OPHN1: variants seen among roughly 807,000 people sequenced by gnomAD.
OPHN1 encodes the protein oligophrenin-1.
Under a neutral mutation model 60.7 loss-of-function variants are expected in OPHN1, and 11 were observed. That is an observed-to-expected ratio of 0.18 (90% CI 0.11 to 0.30). The LOEUF (loss-of-function observed/expected upper bound fraction) is 0.30. Ranked by LOEUF, OPHN1 falls within the 10% of genes least tolerant of loss-of-function variation. The probability of loss-of-function intolerance (pLI) is 1.00; values close to 1 mark genes in which losing one functional copy is unlikely to be tolerated. For missense variants in OPHN1, 449 were observed against 611.0 expected, an observed-to-expected ratio of 0.73 and a Z score of 2.80; for synonymous variants, 226 against 222.6, an observed-to-expected ratio of 1.02 and a Z score of -0.14.
rs1251248675 is a variant in OPHN1, at chrX:68,191,787, G to C, written c.1276+1132C>G. Reference sequence around the variant, plus strand: ...AGGAAGGTTGAAGCAGCTATAACTAGCAAGGCACAGTACCAGAGAAGAGTG... The same window carrying C: ...AGGAAGGTTGAAGCAGCTATAACTACCAAGGCACAGTACCAGAGAAGAGTG... On this transcript the variant is annotated intron_variant, in intron 15 of 24. Transcript: ENST00000355520. Among the ~76,000 whole-genome samples the C allele has an allele frequency of 4.5e-5, 5 of 111,854 alleles. No homozygotes were observed. The East Asian group carries it at 1.4e-3, about 31-fold the overall frequency.
At chrX:68,301,636 G>A (rs990275046) in intron 2 of OPHN1, among the ~76,000 whole-genome samples, 4 of 110,847 alleles carry the variant, frequency 3.6e-5, no homozygotes, top group Non-Finnish European at 7.5e-5. Context: ...AATGCTTGTC[G>A]TGTGTGACAC....
chrX:68,119,759 C>T (rs1022045936), intron 15 of OPHN1, among the ~76,000 whole-genome samples: 5 of 111,096 alleles, frequency 4.5e-5, no homozygotes, highest in East Asian at 2.8e-4. Context: ...TTAATATGCT[C>T]GGATTTGAGA....
At chrX:68,269,784 C>T (rs1043283592) in intron 5 of OPHN1, among the ~76,000 whole-genome samples, 1 of 111,701 alleles carries the variant, frequency 9.0e-6, no homozygotes, top group African/African-American at 3.3e-5. Context: ...AAGAAACTAC[C>T]ATCAGAGCGA....
intron 5 of OPHN1, among the ~76,000 whole-genome samples, chrX:68,239,394 G>A (rs1478549062): frequency 9.0e-6 from 1 of 110,745 alleles, no homozygotes; most frequent in Non-Finnish European, 1.9e-5. Flanking sequence ...AAGGATGGGG[G>A]CATGGCGGGC....
At chrX:68,428,790 G>T (rs2078871831) in intron 2 of OPHN1, among the ~76,000 whole-genome samples, 2 of 111,707 alleles carry the variant, frequency 1.8e-5, no homozygotes, top group Non-Finnish European at 3.8e-5. Flanking sequence ...AAAAATAAAG[G>T]ACAAACAGAA....
intron 15 of OPHN1, among the ~76,000 whole-genome samples, chrX:68,150,345 A>G (rs892591539): frequency 3.6e-5 from 4 of 111,906 alleles, no homozygotes; most frequent in Non-Finnish European, 5.6e-5. Context: ...GTCACACTGA[A>G]ATATGTAAGA....
intron 2 of OPHN1, among the ~76,000 whole-genome samples, chrX:68,322,070 A>G (rs1237626278): frequency 1.8e-5 from 2 of 111,235 alleles, no homozygotes; most frequent in Non-Finnish European, 3.8e-5. Flanking sequence ...TACCTGGCTC[A>G]GGTTATCCTC....
chrX:68,211,456 A>G (rs768878066), intron 8 of OPHN1, among the ~76,000 whole-genome samples: 1 of 112,628 alleles, frequency 8.9e-6, no homozygotes, highest in Non-Finnish European at 1.9e-5. Context: ...TTCCTTCAAG[A>G]CAGAAAAACT....
chrX:68,064,571 G>C (rs1376502969), intron 20 of OPHN1, among the ~76,000 whole-genome samples: 1 of 112,054 alleles, frequency 8.9e-6, no homozygotes, highest in Non-Finnish European at 1.9e-5. Context: ...ATTTTGTTAA[G>C]GTCTCTCAAA....
chrX:68,135,444 A>G (rs770955718), intron 15 of OPHN1, among the ~76,000 whole-genome samples: 1 of 111,755 alleles, frequency 8.9e-6, no homozygotes, highest in Non-Finnish European at 1.9e-5. Flanking sequence ...GAGCTATTAT[A>G]TAGGCCTTTT....
At chrX:68,293,018 A>C (rs2078077637) in intron 3 of OPHN1, among the ~76,000 whole-genome samples, 2 of 112,261 alleles carry the variant, frequency 1.8e-5, no homozygotes, top group South Asian at 3.7e-4. Context: ...TAAGAGCTTC[A>C]AGATGTATAA....
intron 19 of OPHN1, among the ~76,000 whole-genome samples, chrX:68,093,314 T>C (rs2077025425): frequency 8.9e-6 from 1 of 112,024 alleles, no homozygotes; most frequent in African/African-American, 3.2e-5. Flanking sequence ...TTTCTTCTTA[T>C]GTGAAATGAG....
chrX:68,268,117 A>G (rs1161263066), intron 5 of OPHN1, among the ~76,000 whole-genome samples: 1 of 111,256 alleles, frequency 9.0e-6, no homozygotes, highest in Admixed American at 9.6e-5. Context: ...GGTACAGAAT[A>G]CAGAGGTACA....
intron 21 of OPHN1, among the ~76,000 whole-genome samples, chrX:68,063,273 C>G (rs1011465016): frequency 2.7e-5 from 3 of 111,009 alleles, no homozygotes; most frequent in East Asian, 5.7e-4. Flanking sequence ...GTAATCCCAG[C>G]ACTTTGGGAG....
chrX:68,223,299 A>T (rs1030397913), intron 6 of OPHN1, among the ~76,000 whole-genome samples: 1 of 112,472 alleles, frequency 8.9e-6, no homozygotes, highest in Non-Finnish European at 1.9e-5. Flanking sequence ...AGTGCCCATC[A>T]ACTGATTAGT....
chrX:68,171,287 AT>A (rs1432355758), intron 15 of OPHN1, among the ~76,000 whole-genome samples: 1 of 111,337 alleles, frequency 9.0e-6, no homozygotes, highest in Non-Finnish European at 1.9e-5. Context: ...TTTAAAAAAA[AT>A]TTAAAAAAAT....
At chrX:68,055,787 G>C (rs1348579200) in intron 21 of OPHN1, among the ~76,000 whole-genome samples, 2 of 112,066 alleles carry the variant, frequency 1.8e-5, no homozygotes, top group African/African-American at 6.5e-5. Flanking sequence ...AAAAGGATGA[G>C]TTCTTGTCCT....
At chrX:68,311,338 T>C (rs2078171947) in intron 2 of OPHN1, among the ~76,000 whole-genome samples, 1 of 111,888 alleles carries the variant, frequency 8.9e-6, no homozygotes, top group Non-Finnish European at 1.9e-5. Flanking sequence ...ATAATATATA[T>C]TTAAAAGGGC....
Position 68,290,808 on chromosome X carries a change from T to C in OPHN1, c.251-7691A>G, listed in dbSNP as rs772190473. Among the ~76,000 whole-genome samples the C allele has an allele frequency of 4.6e-5, 5 of 109,598 alleles. No homozygotes were observed. In the East Asian group the frequency reaches 1.4e-3, roughly 31 times the overall value. On this transcript the variant is annotated intron_variant, in intron 3 of 24. Coordinates refer to ENST00000355520, the MANE Select transcript of OPHN1 (RefSeq NM_002547.3). ...AAAAAAATCCCACTTAAGCTACTTA[T>C]TAGCTATGTGATCCTGGGCAAGTTT...
Sources: allele counts gnomAD v4.1 joint callset (sites outside exome capture counted in the v4.1 genomes callset), GRCh38; gene constraint gnomAD v4.1.1; transcripts MANE v1.5; gene names NCBI Gene and HGNC (gene_info 2026-07-23, HGNC 2026-07-21).